EXOC4: variants seen among roughly 807,000 people sequenced by gnomAD.
EXOC4 encodes the protein SEC8-like 1.
A neutral mutation model predicts 107.2 loss-of-function variants in EXOC4; 71 were observed. The ratio of observed to expected loss-of-function variants is 0.66; its 90% confidence interval spans 0.55 to 0.81. The LOEUF is 0.81. Among genes scored for constraint, EXOC4 ranks in the 30% least tolerant of loss-of-function variants. The pLI is 0.00. For missense variants in EXOC4, 1,108 were observed against 1,189.6 expected (o/e 0.93, Z 1.01); for synonymous variants, 456 against 441.2 (o/e 1.03, Z -0.42).
chr7:133,415,310 G>T (rs1797450749), intron 7 of EXOC4, among the ~76,000 whole-genome samples: 1 of 152,010 alleles, frequency 6.6e-6, no homozygotes, highest in Non-Finnish European at 1.5e-5. Flanking sequence ...GGAATTACTG[G>T]ATTCCTGGTA....
At chr7:133,474,016 G>GT (rs565252955) in intron 7 of EXOC4, among the ~76,000 whole-genome samples, 171 of 151,996 alleles carry the variant, frequency 1.1e-3, no homozygotes, top group African/African-American at 4.1e-3. Context: ...CCTGGGTCTT[G>GT]TTTTTTAATT....
intron 4 of EXOC4, among the ~76,000 whole-genome samples, chr7:133,307,461 A>G (rs981876000): frequency 1.3e-5 from 2 of 152,192 alleles, no homozygotes; most frequent in African/African-American, 2.4e-5. Context: ...TAAAATCACT[A>G]TGGTCCTGTG....
chr7:133,423,589 T>C (rs1797652624), intron 7 of EXOC4, among the ~76,000 whole-genome samples: 1 of 152,224 alleles, frequency 6.6e-6, no homozygotes, highest in South Asian at 2.1e-4. Flanking sequence ...ATGTACCCTG[T>C]ACCTAGTGCT....
chr7:133,634,021 C>T (rs1802649552), intron 10 of EXOC4, among the ~76,000 whole-genome samples: 1 of 152,170 alleles, frequency 6.6e-6, no homozygotes, highest in Non-Finnish European at 1.5e-5. Context: ...GCGTTCTTTG[C>T]AGCCTAGCGG....
At chr7:133,702,754 GC>G (rs1562915547) in intron 10 of EXOC4, among the ~76,000 whole-genome samples, 1 of 152,058 alleles carries the variant, frequency 6.6e-6, no homozygotes, top group East Asian at 1.9e-4. Context: ...GTCATCCGTG[GC>G]TCCATAACAA....
At chr7:133,604,047 G>A (rs1234624246) in intron 9 of EXOC4, among the ~76,000 whole-genome samples, 1 of 150,822 alleles carries the variant, frequency 6.6e-6, no homozygotes, top group East Asian at 1.9e-4. Context: ...TAAAAACTAG[G>A]ATATAAACAC....
chr7:133,629,607 C>G (rs773545977), intron 9 of EXOC4, among the ~76,000 whole-genome samples: 2 of 152,016 alleles, frequency 1.3e-5, no homozygotes, highest in African/African-American at 4.8e-5. Flanking sequence ...GTGGCGCAAT[C>G]TTGGTTCACT....
chr7:133,662,876 T>G (rs1183359880), intron 10 of EXOC4, among the ~76,000 whole-genome samples: 1 of 152,184 alleles, frequency 6.6e-6, no homozygotes, highest in African/African-American at 2.4e-5. Context: ...AAGTGGAATT[T>G]CCTATACTTT....
intron 17 of EXOC4, 88 bp downstream of exon 17, chr7:134,007,923 C>A: frequency 8.2e-7 from 1 of 1,220,420 alleles, no homozygotes. Context: ...ACTCTTGGTG[C>A]AGAAAAAGCT....
chr7:133,294,343 A>G (rs532468681), intron 3 of EXOC4, among the ~76,000 whole-genome samples: 1 of 152,302 alleles, frequency 6.6e-6, no homozygotes, highest in East Asian at 1.9e-4. Flanking sequence ...AAAACCACTT[A>G]CACAAGTTCT....
At chr7:134,002,362 T>A (rs1273072747) in intron 15 of EXOC4, among the ~76,000 whole-genome samples, 2 of 152,106 alleles carry the variant, frequency 1.3e-5, no homozygotes, top group Non-Finnish European at 2.9e-5. Flanking sequence ...AATCTAAAAC[T>A]CTAAAACTTC....
At chr7:133,624,717 C>T (rs902811030) in intron 9 of EXOC4, among the ~76,000 whole-genome samples, 5 of 152,138 alleles carry the variant, frequency 3.3e-5, no homozygotes, top group South Asian at 2.1e-4. Context: ...CTCAGCCTCC[C>T]GAGTAGCTGG....
intron 7 of EXOC4, among the ~76,000 whole-genome samples, chr7:133,448,342 G>A (rs966956708): frequency 1.3e-5 from 2 of 151,808 alleles, no homozygotes; most frequent in African/African-American, 2.4e-5. Flanking sequence ...CTGTCACCCA[G>A]ACTGGAATAC....
intron 7 of EXOC4, among the ~76,000 whole-genome samples, chr7:133,450,663 A>T (rs1019278494): frequency 6.6e-6 from 1 of 152,224 alleles, no homozygotes; most frequent in African/African-American, 2.4e-5. Flanking sequence ...ATGTACACAT[A>T]TGCCAGCTCA....
intron 7 of EXOC4, among the ~76,000 whole-genome samples, chr7:133,402,881 A>ATTT (rs956173651): frequency 5.7e-4 from 65 of 114,884 alleles, no homozygotes; most frequent in Non-Finnish European, 6.5e-4. Context: ...AGAGCCTAAT[A>ATTT]TTTTTTTTTT....
intron 10 of EXOC4, among the ~76,000 whole-genome samples, chr7:133,816,934 G>A (rs942655891): frequency 4.6e-5 from 7 of 152,122 alleles, no homozygotes; most frequent in Non-Finnish European, 7.4e-5. Context: ...CCGGTGTGGG[G>A]GTAGGGGGAC....
At chr7:134,055,408 C>T (rs1375214957) in intron 17 of EXOC4, among the ~76,000 whole-genome samples, 2 of 152,172 alleles carry the variant, frequency 1.3e-5, no homozygotes, top group East Asian at 1.9e-4. Flanking sequence ...GCAGAGTCAA[C>T]GGCCAAAAAA....
intron 12 of EXOC4, among the ~76,000 whole-genome samples, chr7:133,904,489 A>G (rs942895747): frequency 1.3e-5 from 2 of 152,178 alleles, no homozygotes; most frequent in Non-Finnish European, 2.9e-5. Context: ...TTTTTGACAT[A>G]TTCTGGTCAT....
chr7:133,284,601 G>C (rs1326253231), intron 2 of EXOC4, among the ~76,000 whole-genome samples: 1 of 151,986 alleles, frequency 6.6e-6, no homozygotes, highest in African/African-American at 2.4e-5. Context: ...GCCCGATCTC[G>C]GCTCACTGCA....
Sources: allele counts gnomAD v4.1 joint callset (sites outside exome capture counted in the v4.1 genomes callset), GRCh38; gene constraint gnomAD v4.1.1; transcripts MANE v1.5; gene names NCBI Gene and HGNC (gene_info 2026-07-23, HGNC 2026-07-21).